SLC24A3: variants seen among roughly 807,000 people sequenced by gnomAD.
The protein encoded by SLC24A3 is sodium/potassium/calcium exchanger 3.
A neutral mutation model predicts 75.8 loss-of-function variants in SLC24A3; 28 were observed. The observed-to-expected ratio is 0.37, with a 90% CI of 0.27 to 0.51. The LOEUF is 0.51. SLC24A3 is among the 20% of genes least tolerant of loss of function. SLC24A3 has a pLI of 0.94. For missense variants in SLC24A3, 663 were observed against 847.8 expected (o/e 0.78, Z 2.71); for synonymous variants, 372 against 334.1 (o/e 1.11, Z -1.24).
intron 1 of SLC24A3, among the ~76,000 whole-genome samples, chr20:19,224,458 G>A (rs376096543): frequency 1.4e-4 from 21 of 152,236 alleles, no homozygotes; most frequent in East Asian, 1.2e-3. Context: ...TTTCTCCATG[G>A]ATGCACTTTT....
intron 15 of SLC24A3, among the ~76,000 whole-genome samples, chr20:19,703,076 G>T (rs777798022): frequency 4.2e-4 from 64 of 152,164 alleles, no homozygotes; most frequent in Admixed American, 3.4e-3. Context: ...GGGAGTGAGG[G>T]TCATAAAATC....
At chr20:19,470,205 C>T (rs1271331306) in intron 2 of SLC24A3, among the ~76,000 whole-genome samples, 1 of 152,324 alleles carries the variant, frequency 6.6e-6, no homozygotes, top group South Asian at 2.1e-4. Context: ...AATATCCTTT[C>T]TTTTCCATCT....
chr20:19,591,374 A>T (rs1220649522), intron 6 of SLC24A3, among the ~76,000 whole-genome samples: 1 of 152,222 alleles, frequency 6.6e-6, no homozygotes, highest in African/African-American at 2.4e-5. Context: ...AAGGAAATTT[A>T]TAGATGTCTC....
intron 2 of SLC24A3, among the ~76,000 whole-genome samples, chr20:19,471,734 A>G (rs1215529184): frequency 6.6e-6 from 1 of 152,148 alleles, no homozygotes; most frequent in African/African-American, 2.4e-5. Context: ...TAGAGGTGGC[A>G]AAGTTTCCTT....
chr20:19,534,998 G>A (rs1015892352), intron 3 of SLC24A3, among the ~76,000 whole-genome samples: 1 of 152,136 alleles, frequency 6.6e-6, no homozygotes, highest in Non-Finnish European at 1.5e-5. Flanking sequence ...ATGCTAATTT[G>A]GGCCATGATT....
chr20:19,562,021 T>C (rs1008394355), intron 3 of SLC24A3, among the ~76,000 whole-genome samples: 6 of 152,164 alleles, frequency 3.9e-5, no homozygotes, highest in Non-Finnish European at 7.4e-5. Flanking sequence ...TGTAGTCCAG[T>C]CTTTTTATAA....
chr20:19,630,840 G>T (rs1248816978), intron 6 of SLC24A3, among the ~76,000 whole-genome samples: 1 of 152,204 alleles, frequency 6.6e-6, no homozygotes, highest in Non-Finnish European at 1.5e-5. Context: ...GACCAGAACA[G>T]CAAGGAGGGA....
At chr20:19,596,997 G>A (rs972674700) in intron 6 of SLC24A3, among the ~76,000 whole-genome samples, 2 of 152,294 alleles carry the variant, frequency 1.3e-5, no homozygotes, top group African/African-American at 2.4e-5. Context: ...TCTTTATTCT[G>A]TGTTCCCTGA....
chr20:19,565,103 C>T (rs1049036909), intron 3 of SLC24A3, among the ~76,000 whole-genome samples: 51 of 152,218 alleles, frequency 3.4e-4, no homozygotes, highest in Admixed American at 3.1e-3. Context: ...ACACACCCGG[C>T]TTCCATCCTC....
At chr20:19,340,152 T>C (rs766323787) in intron 2 of SLC24A3, among the ~76,000 whole-genome samples, 6 of 152,166 alleles carry the variant, frequency 3.9e-5, no homozygotes, top group Non-Finnish European at 8.8e-5. Flanking sequence ...AGAGATAAGG[T>C]TTTTACAGAG....
chr20:19,684,460 G>A, intron 11 of SLC24A3, 124 bp downstream of exon 11: 3 of 1,138,858 alleles, frequency 2.6e-6, no homozygotes, highest in Non-Finnish European at 3.7e-6. Flanking sequence ...GCATCCCTCA[G>A]CCATTTCCTA....
chr20:19,570,370 G>GC (rs1195396188), intron 3 of SLC24A3, among the ~76,000 whole-genome samples: 1 of 152,096 alleles, frequency 6.6e-6, no homozygotes, highest in Non-Finnish European at 1.5e-5. Context: ...GGGACACAGA[G>GC]CCAAACCATA....
chr20:19,424,923 T>C (rs1986979679), intron 2 of SLC24A3, among the ~76,000 whole-genome samples: 1 of 152,170 alleles, frequency 6.6e-6, no homozygotes, highest in Non-Finnish European at 1.5e-5. Flanking sequence ...ACAAAGGAAC[T>C]TTATAGGTCT....
At chr20:19,685,475 A>G in intron 12 of SLC24A3, 114 bp downstream of exon 12, 1 of 1,491,060 alleles carries the variant, frequency 6.7e-7, no homozygotes, top group Non-Finnish European at 9.1e-7. Flanking sequence ...CTGTATGAAC[A>G]TGAGACTATG....
intron 2 of SLC24A3, among the ~76,000 whole-genome samples, chr20:19,437,661 C>T (rs1318898277): frequency 1.3e-5 from 2 of 152,160 alleles, no homozygotes. Flanking sequence ...CAGGATAATG[C>T]TAGTGAGCAT....
intron 2 of SLC24A3, among the ~76,000 whole-genome samples, chr20:19,450,883 C>T (rs557781645): frequency 6.6e-6 from 1 of 152,234 alleles, no homozygotes; most frequent in South Asian, 2.1e-4. Context: ...CCTGTAGCCC[C>T]AGCTACTAAG....
At chr20:19,662,286 G>A (rs770173525) in intron 7 of SLC24A3, among the ~76,000 whole-genome samples, 10 of 152,210 alleles carry the variant, frequency 6.6e-5, no homozygotes, top group Non-Finnish European at 1.2e-4. Context: ...ATCTGATGGG[G>A]AAGAAGCTGA....
intron 1 of SLC24A3, among the ~76,000 whole-genome samples, chr20:19,233,168 G>A (rs1345591698): frequency 1.3e-5 from 2 of 152,252 alleles, no homozygotes; most frequent in Admixed American, 6.5e-5. Context: ...TGTCAACTGA[G>A]TTTCGCAAGA....
At chr20:19,249,666 T>C (rs1235198574) in intron 1 of SLC24A3, among the ~76,000 whole-genome samples, 1 of 152,206 alleles carries the variant, frequency 6.6e-6, no homozygotes, top group Non-Finnish European at 1.5e-5. Context: ...GCAACACAAC[T>C]TCACAATTTG....
Sources: gnomAD v4.1 joint callset for allele counts (sites outside exome capture counted in the v4.1 genomes callset) on GRCh38, gnomAD v4.1.1 for gene constraint, MANE v1.5 for transcripts, NCBI Gene and HGNC (gene_info 2026-07-23, HGNC 2026-07-21) for gene names.